Variants in SRD5A2 observed in about 807,000 individuals in gnomAD.
SRD5A2 encodes the protein steroid 5 alpha-reductase 2, also known as 3-oxo-5-alpha-steroid 4-dehydrogenase 2.
SRD5A2 carries 30 observed loss-of-function variants against 27.4 expected under a neutral mutation model. The ratio of observed to expected loss-of-function variants is 1.10; its 90% CI spans 0.82 to 1.49. The LOEUF is 1.49. SRD5A2 is among the 40% of genes most tolerant of loss of function. SRD5A2 has a pLI of 0.00. For synonymous variants in SRD5A2, 141 were observed against 133.6 expected (o/e 1.06, Z -0.38); for missense variants, 348 against 323.4 (o/e 1.08, Z -0.58).
At chr2:31,642,913 G>A in the SRD5A2 span, among the ~76,000 whole-genome samples, 1 of 151,924 alleles carries the variant, frequency 6.6e-6, no homozygotes, top group Non-Finnish European at 1.5e-5. Flanking sequence ...ATTATGCTAT[G>A]TATGCAAAAA....
chr2:31,609,915 C>CA, the SRD5A2 span, among the ~76,000 whole-genome samples: 2 of 151,396 alleles, frequency 1.3e-5, no homozygotes, highest in Admixed American at 1.3e-4. Flanking sequence ...TTAAAGATGG[C>CA]AAAAAAAGAA....
the SRD5A2 span, among the ~76,000 whole-genome samples, chr2:31,596,899 TGTGAAA>T: frequency 6.6e-6 from 1 of 152,138 alleles, no homozygotes; most frequent in Non-Finnish European, 1.5e-5. Context: ...GAATCAATAT[TGTGAAA>T]GTGACCACCC....
At chr2:31,562,166 G>GT (rs1666637466) in intron 1 of SRD5A2, among the ~76,000 whole-genome samples, 1 of 151,970 alleles carries the variant, frequency 6.6e-6, no homozygotes, top group South Asian at 2.1e-4. Context: ...GAAAATTGTG[G>GT]TTTTCTAAGT....
At chr2:31,544,326 C>T (rs1666200233) in intron 1 of SRD5A2, among the ~76,000 whole-genome samples, 1 of 151,416 alleles carries the variant, frequency 6.6e-6, no homozygotes, top group Non-Finnish European at 1.5e-5. Flanking sequence ...CACAATAAAC[C>T]AACTAGATCT....
the SRD5A2 span, among the ~76,000 whole-genome samples, chr2:31,660,092 T>C: frequency 6.6e-6 from 1 of 152,086 alleles, no homozygotes; most frequent in Non-Finnish European, 1.5e-5. Flanking sequence ...TTAAAAAATC[T>C]CCCATATCTC....
intron 1 of SRD5A2, among the ~76,000 whole-genome samples, chr2:31,543,300 G>A (rs767760175): frequency 6.6e-6 from 1 of 152,052 alleles, no homozygotes; most frequent in Non-Finnish European, 1.5e-5. Flanking sequence ...ACTGTTAAAG[G>A]GAGTCCTGCA....
At position 31,524,888 on chromosome 2, in the gene SRD5A2, G is replaced by A. The variant is rs1665738925; in HGVS notation, c.*1308C>T. ...TCATGCTGGGGTGACCCCTTCACAAGAGTTTGCAAACTCAAATGCTTACTA... is the reference window on the plus strand; with the variant it reads ...TCATGCTGGGGTGACCCCTTCACAAAAGTTTGCAAACTCAAATGCTTACTA... On this transcript the variant is annotated 3_prime_UTR_variant, in exon 5 of 5. Transcript: ENST00000622030. 1 of 226,922 alleles carries A rather than the reference G, an allele frequency of 4.4e-6. No individual in the cohort carries two copies. The highest frequency in any genetic ancestry group is 8.8e-6 in the Non-Finnish European group (1 of 114,150). 14.1% of individuals were successfully genotyped at this position (226,922 alleles called of 1,614,324 possible).
rs1558354401 is a variant in SRD5A2 at position 31,526,104 on chromosome 2, CGG to C, written c.*90_*91del. ...CAGGAGACCTACTATTACATATATA[CGG>C]GACTATTATATCATGAAAATTACAG... On this transcript the variant is annotated 3_prime_UTR_variant, in exon 5 of 5. Transcript: ENST00000622030. 3.8e-3 allele frequency: 3,052 copies of C among 796,304 alleles called. 159 individuals are homozygous for C. In the African/African-American group the frequency reaches 0.056, roughly 15 times the overall value. 49.3% of individuals were successfully genotyped at this position (796,304 alleles called of 1,614,324 possible).
intron 1 of SRD5A2, among the ~76,000 whole-genome samples, chr2:31,544,612 C>G (rs1666205710): frequency 6.6e-6 from 1 of 151,610 alleles, no homozygotes; most frequent in Admixed American, 6.6e-5. Flanking sequence ...AAGGAAGATC[C>G]TATATCAGCC....
the SRD5A2 span, among the ~76,000 whole-genome samples, chr2:31,648,481 C>T: frequency 3.5e-4 from 53 of 152,296 alleles, no homozygotes; most frequent in African/African-American, 9.9e-4. Context: ...TTGAGCTAGA[C>T]AGAGTTGGTG....
At chr2:31,625,110 GTGA>G in the SRD5A2 span, among the ~76,000 whole-genome samples, 5 of 152,222 alleles carry the variant, frequency 3.3e-5, no homozygotes, top group South Asian at 4.1e-4. Flanking sequence ...CTGATGACCA[GTGA>G]TGATGAGCAT....
At chr2:31,588,073 CAAAAG>C in the SRD5A2 span, among the ~76,000 whole-genome samples, 2 of 150,326 alleles carry the variant, frequency 1.3e-5, no homozygotes, top group Non-Finnish European at 3.0e-5. Flanking sequence ...TCAGAGGAGA[CAAAAG>C]AAAAAAGAAT....
intron 1 of SRD5A2, among the ~76,000 whole-genome samples, chr2:31,560,384 C>T (rs1490757559): frequency 1.3e-5 from 2 of 152,126 alleles, no homozygotes; most frequent in African/African-American, 4.8e-5. Flanking sequence ...TCCATCTTCC[C>T]CTGATTTTCC....
At chr2:31,530,544 C>T (rs1337297346) in intron 3 of SRD5A2, among the ~76,000 whole-genome samples, 1 of 152,186 alleles carries the variant, frequency 6.6e-6, no homozygotes, top group Non-Finnish European at 1.5e-5. Context: ...ATATTAACAA[C>T]ATTCAAATTC....
the SRD5A2 span, among the ~76,000 whole-genome samples, chr2:31,602,515 T>A: frequency 6.6e-6 from 1 of 152,102 alleles, no homozygotes; most frequent in South Asian, 2.1e-4. Context: ...GCTATTCCCA[T>A]TAAACTACTA....
At chr2:31,631,456 TC>T in the SRD5A2 span, among the ~76,000 whole-genome samples, 1 of 151,740 alleles carries the variant, frequency 6.6e-6, no homozygotes, top group Non-Finnish European at 1.5e-5. Flanking sequence ...GGTACTGGCA[TC>T]CCCTGTTTTT....
the SRD5A2 span, among the ~76,000 whole-genome samples, chr2:31,654,199 T>C: frequency 6.6e-6 from 1 of 151,538 alleles, no homozygotes; most frequent in East Asian, 1.9e-4. Flanking sequence ...TTTGCAAAAA[T>C]GGGGTCAGAA....
chr2:31,566,605 G>A (rs1666734191), intron 1 of SRD5A2, among the ~76,000 whole-genome samples: 1 of 152,162 alleles, frequency 6.6e-6, no homozygotes, highest in African/African-American at 2.4e-5. Context: ...TGCATGTTAA[G>A]GGATCATCAA....
chr2:31,534,394 A>T (rs1665982012), intron 1 of SRD5A2, among the ~76,000 whole-genome samples: 1 of 152,230 alleles, frequency 6.6e-6, no homozygotes, highest in African/African-American at 2.4e-5. Context: ...TCTTCAAGCC[A>T]TGGCATACTA....
Sources: allele counts gnomAD v4.1 joint callset (sites outside exome capture counted in the v4.1 genomes callset), GRCh38; gene constraint gnomAD v4.1.1; transcripts MANE v1.5; gene names NCBI Gene and HGNC (gene_info 2026-07-23, HGNC 2026-07-21).